TMEM87B: variants seen among roughly 807,000 people sequenced by gnomAD.
TMEM87B encodes the protein transmembrane protein 87B.
In TMEM87B, 83 loss-of-function variants were observed where a neutral mutation model predicts 80.3. The observed-to-expected ratio is 1.03, with a 90% CI of 0.87 to 1.24. The LOEUF is 1.24. Among genes scored for constraint, TMEM87B ranks in the 50% most tolerant of loss-of-function variants. The pLI is 0.00. For missense variants in TMEM87B, 625 were observed against 674.4 expected (o/e 0.93, Z 0.81); for synonymous variants, 219 against 230.5 (o/e 0.95, Z 0.45).
chr2:112,064,956 A>T (rs767508217), intron 3 of TMEM87B, among the ~76,000 whole-genome samples: 26 of 152,146 alleles, frequency 1.7e-4, no homozygotes, highest in Non-Finnish European at 3.8e-4. Flanking sequence ...ATATACCTAT[A>T]CATGTATATG....
At chr2:112,099,555 T>TATATATAC (rs1019425429) in intron 14 of TMEM87B, among the ~76,000 whole-genome samples, 22 of 73,570 alleles carry the variant, frequency 3.0e-4, no homozygotes, top group South Asian at 6.9e-4. Flanking sequence ...TATATATATA[T>TATATATAC]ACACACACAC....
intron 1 of TMEM87B, among the ~76,000 whole-genome samples, chr2:112,059,650 G>C (rs1678184934): frequency 6.6e-6 from 1 of 152,150 alleles, no homozygotes; most frequent in African/African-American, 2.4e-5. Context: ...TCAAATTGAC[G>C]CCAGGAGAGC....
intron 1 of TMEM87B, 112 bp from the exon 2 acceptor site, chr2:112,059,865 T>C (rs972326689): frequency 2.3e-6 from 3 of 1,327,788 alleles, no homozygotes; most frequent in Non-Finnish European, 3.0e-6. Context: ...GTTAAAAAAA[T>C]ACTCTTGTCA....
At chr2:112,055,857 G>A (rs1678036073) in intron 1 of TMEM87B, 101 bp downstream of exon 1, 17 of 1,359,934 alleles carry the variant, frequency 1.3e-5, no homozygotes, top group Admixed American at 7.2e-5. Context: ...CCTCTGCCGG[G>A]TCAGCACCGG....
chr2:112,109,664 CTTTTTTTTTT>C (rs561752709), intron 17 of TMEM87B, among the ~76,000 whole-genome samples: 4 of 46,342 alleles, frequency 8.6e-5, no homozygotes, highest in Admixed American at 2.4e-4. Context: ...TAAGTATGGT[CTTTTTTTTTT>C]TTTTTTTTTT....
In TMEM87B at chr2:112,116,733, T is replaced by A. The variant is rs1392229898; in HGVS notation, c.*590T>A. On this transcript the variant is annotated 3_prime_UTR_variant, in exon 19 of 19. Coordinates refer to ENST00000283206, the MANE Select transcript of TMEM87B (RefSeq NM_032824.3). ...TTTTTAAAAAATCTATACAAAGCCC[T>A]TGTTTGAGTCTCATCATGCACATCA... 1.5e-5 allele frequency: 2 copies of A among 131,356 alleles called. No individual in the cohort carries two copies. The highest frequency in any genetic ancestry group is 5.6e-5 in the African/African-American group (2 of 35,744). The allele number at this position is 131,356 out of a possible 1,614,324, so 8.1% of individuals were successfully genotyped here.
At chr2:112,065,304 T>C (rs191546296) in intron 3 of TMEM87B, among the ~76,000 whole-genome samples, 15 of 152,304 alleles carry the variant, frequency 9.8e-5, no homozygotes, top group African/African-American at 3.1e-4. Context: ...AGTATAATTA[T>C]AGAATTCAAA....
chr2:112,097,981 T>TC (rs1679522171), intron 13 of TMEM87B, among the ~76,000 whole-genome samples: 1 of 151,136 alleles, frequency 6.6e-6, no homozygotes, highest in East Asian at 1.9e-4. Context: ...AGCGATGTTT[T>TC]CTTTTTTTTT....
chr2:112,097,942 T>C (rs548707788), intron 13 of TMEM87B, among the ~76,000 whole-genome samples: 1 of 152,090 alleles, frequency 6.6e-6, no homozygotes, highest in Admixed American at 6.5e-5. Flanking sequence ...GGCATGTTTC[T>C]AGGATCGTGT....
chr2:112,089,602 C>CT, intron 9 of TMEM87B, 23 bp from the exon 10 acceptor site: 1 of 1,611,872 alleles, frequency 6.2e-7, no homozygotes, highest in East Asian at 2.2e-5. Flanking sequence ...TCTTCTTTCT[C>CT]TGTTTCCTCT....
intron 4 of TMEM87B, among the ~76,000 whole-genome samples, chr2:112,073,459 TGA>T (rs1245410188): frequency 2.6e-5 from 4 of 152,230 alleles, no homozygotes; most frequent in African/African-American, 9.6e-5. Flanking sequence ...TGTTGTGGTC[TGA>T]GAGAGTGGTT....
intron 17 of TMEM87B, among the ~76,000 whole-genome samples, chr2:112,112,192 C>T (rs1300746887): frequency 2.0e-5 from 3 of 152,328 alleles, no homozygotes; most frequent in Non-Finnish European, 2.9e-5. Flanking sequence ...GCTCTCCTCC[C>T]TCAGACCTCT....
At chr2:112,104,165 C>T (rs991358078) in intron 15 of TMEM87B, among the ~76,000 whole-genome samples, 11 of 152,030 alleles carry the variant, frequency 7.2e-5, no homozygotes, top group Non-Finnish European at 1.2e-4. Flanking sequence ...ATTTTAATGA[C>T]GTTGGATGGG....
In TMEM87B at chr2:112,098,293, C is replaced by G. The variant is rs534309719; in HGVS notation, c.1273-302C>G. Among the ~76,000 whole-genome samples, 3 of 152,252 alleles carry G rather than the reference C, an allele frequency of 2.0e-5. 1 individual carries two copies. The highest frequency in any genetic ancestry group is 7.2e-5 in the African/African-American group (3 of 41,556). ...AGAGACAATTTAATAAAAGAAGAGG[C>G]TGGGCCTTCTGACCTTAGTATTTGC... On this transcript the variant is annotated intron_variant, in intron 13 of 18. Coordinates refer to ENST00000283206, the MANE Select transcript of TMEM87B (RefSeq NM_032824.3).
At chr2:112,079,649 A>G (rs578230381) in intron 6 of TMEM87B, among the ~76,000 whole-genome samples, 114 of 152,270 alleles carry the variant, frequency 7.5e-4, no homozygotes, top group African/African-American at 2.5e-3. Flanking sequence ...ACTGGATTAT[A>G]TGGTAATTCT....
chr2:112,064,203 G>A lies in TMEM87B; in HGVS notation c.268G>A (p.Val90Met), dbSNP rs1229219138. Residue 90 changes from valine (V) to methionine (M), a missense_variant, in exon 3 of 19, where the codon GTG becomes ATG. Transcript: ENST00000283206. Reference protein sequence around the residue: ...HCSGPVKFTIVWHLKYHTCHN... With the variant: ...HCSGPVKFTIMWHLKYHTCHN... The stretch of plus-strand genomic sequence containing the variant: ...TTCTGGGCCTGTGAAGTTTACCATA[G>A]TGTGGCATTTGAAGTATCATACCTG... 3 of 1,613,710 alleles carry A rather than the reference G, an allele frequency of 1.9e-6. No individual in the cohort carries two copies. The highest frequency in any genetic ancestry group is 1.7e-5 in the Admixed American group (1 of 60,004).
rs1558846915 is a variant in TMEM87B at position 112,098,585 on chromosome 2, C to T, written c.1273-10C>T. 1.2e-6 allele frequency: 2 copies of T among 1,613,508 alleles called. No homozygotes were observed. Among genetic ancestry groups the T allele is most frequent in the Non-Finnish European group, 8.5e-7 (1 of 1,179,584 alleles). The stretch of plus-strand genomic sequence containing the variant: ...ATTAACGTTTCATGCTTGAATTGTC[C>T]TTCTTTTAGGATTGGATGGAACGCT... On this transcript the variant is annotated splice_polypyrimidine_tract_variant and intron_variant, in intron 13 of 18. Coordinates refer to ENST00000283206, the MANE Select transcript of TMEM87B (RefSeq NM_032824.3).
In TMEM87B at chr2:112,077,215, A is replaced by G. The variant is rs769868977; in HGVS notation, c.525A>G (p.Lys175=). 1.3e-6 allele frequency: 2 copies of G among 1,591,872 alleles called. No individual in the cohort carries two copies. The highest frequency in any genetic ancestry group is 1.7e-6 in the Non-Finnish European group (2 of 1,171,078). Residue 175 remains lysine (K), a synonymous_variant, in exon 6 of 19, where the codon AAA becomes AAG. Transcript: ENST00000283206. The part of the protein sequence containing the change: ...RSMDVVARTQ[K]DGFHIFIVSI... Reference sequence around the variant, plus strand: ...AGGATGTTGTAGCCAGAACACAAAAAGATGGGTTTCATATCTTTATTGTTT... The same window carrying G: ...AGGATGTTGTAGCCAGAACACAAAAGGATGGGTTTCATATCTTTATTGTTT...
intron 16 of TMEM87B, among the ~76,000 whole-genome samples, chr2:112,107,459 G>A (rs1028015144): frequency 2.6e-5 from 4 of 151,748 alleles, no homozygotes; most frequent in African/African-American, 7.3e-5. Flanking sequence ...CATAATGAGT[G>A]TGGCAAAGCA....
Sources: allele counts gnomAD v4.1 joint callset (sites outside exome capture counted in the v4.1 genomes callset), GRCh38; gene constraint gnomAD v4.1.1; transcripts MANE v1.5; gene names NCBI Gene and HGNC (gene_info 2026-07-23, HGNC 2026-07-21).